Variants in CAST observed in about 807,000 individuals in gnomAD.
CAST encodes the protein calpastatin, also known as MIR583 host.
Under a neutral mutation model 119.6 loss-of-function variants are expected in CAST, and 76 were observed. That is an observed-to-expected ratio of 0.64 (90% CI 0.53 to 0.77). CAST has a LOEUF of 0.77. Ranked by LOEUF, CAST falls within the 30% of genes least tolerant of loss-of-function variation. CAST has a pLI of 0.00. For missense variants in CAST, 953 were observed against 946.5 expected, an observed-to-expected ratio of 1.01 and a Z score of -0.09; for synonymous variants, 319 against 331.6, an observed-to-expected ratio of 0.96 and a Z score of 0.41.
At chr5:96,193,936 G>A in the CAST span, among the ~76,000 whole-genome samples, 18 of 152,296 alleles carry the variant, frequency 1.2e-4, no homozygotes, top group African/African-American at 4.1e-4. Context: ...TGGCATTAAT[G>A]TATTGGATTC....
At chr5:96,209,423 G>T in the CAST span, among the ~76,000 whole-genome samples, 3 of 151,884 alleles carry the variant, frequency 2.0e-5, no homozygotes, top group Non-Finnish European at 4.4e-5. Context: ...AATGGTCTAT[G>T]AAATTAAGTG....
chr5:96,289,377 T>C, the CAST span, among the ~76,000 whole-genome samples: 2 of 152,154 alleles, frequency 1.3e-5, no homozygotes, highest in Non-Finnish European at 2.9e-5. Flanking sequence ...TGAATTGTAG[T>C]TCCCATAATG....
chr5:96,169,583 C>G, the CAST span, among the ~76,000 whole-genome samples: 2 of 151,944 alleles, frequency 1.3e-5, no homozygotes, highest in Non-Finnish European at 2.9e-5. Context: ...CTGTAGCAGG[C>G]GAGTGATAAC....
chr5:96,484,801 T>C, the CAST span, among the ~76,000 whole-genome samples: 1 of 152,098 alleles, frequency 6.6e-6, no homozygotes, highest in African/African-American at 2.4e-5. Context: ...ATTTTTCTAT[T>C]CCTGCTCTGC....
chr5:96,548,350 C>A (rs1010670115), intron 1 of CAST, among the ~76,000 whole-genome samples: 2 of 152,130 alleles, frequency 1.3e-5, no homozygotes, highest in African/African-American at 4.8e-5. Context: ...AGGTTTTTGA[C>A]AAACATAGCT....
the CAST span, chr5:95,961,518 G>A: frequency 6.9e-7 from 1 of 1,445,284 alleles, no homozygotes; most frequent in Non-Finnish European, 9.1e-7. Context: ...GGCGCGGCCA[G>A]GCCGTGAGGG....
the CAST span, among the ~76,000 whole-genome samples, chr5:96,037,468 C>T: frequency 6.6e-6 from 1 of 152,092 alleles, no homozygotes; most frequent in Non-Finnish European, 1.5e-5. Context: ...CAGAATGTCA[C>T]CTGAAGGCCT....
chr5:96,424,961 CA>C, the CAST span, among the ~76,000 whole-genome samples: 33 of 94,720 alleles, frequency 3.5e-4, no homozygotes, highest in East Asian at 8.3e-4. Flanking sequence ...AAAACTCTGT[CA>C]AAAAAAAAAA....
the CAST span, among the ~76,000 whole-genome samples, chr5:96,074,152 T>A: frequency 6.6e-6 from 1 of 152,084 alleles, no homozygotes; most frequent in East Asian, 1.9e-4. Context: ...GCTACCTCGC[T>A]TCCCTGAACT....
chr5:96,396,868 A>C, the CAST span, among the ~76,000 whole-genome samples: 1 of 152,258 alleles, frequency 6.6e-6, no homozygotes, highest in Non-Finnish European at 1.5e-5. Flanking sequence ...ACTGTTTAAA[A>C]AAGTCATATT....
chr5:96,245,120 A>T, the CAST span, among the ~76,000 whole-genome samples: 1 of 152,340 alleles, frequency 6.6e-6, no homozygotes, highest in East Asian at 1.9e-4. Flanking sequence ...ACATACATTC[A>T]TACTATGACA....
the CAST span, among the ~76,000 whole-genome samples, chr5:96,417,129 T>G: frequency 6.6e-6 from 1 of 152,170 alleles, no homozygotes; most frequent in African/African-American, 2.4e-5. Flanking sequence ...ACATTTCAAT[T>G]CTACTATACT....
intron 1 of CAST, among the ~76,000 whole-genome samples, chr5:96,566,751 CAT>C (rs1284075731): frequency 2.0e-5 from 3 of 152,172 alleles, no homozygotes; most frequent in Non-Finnish European, 4.4e-5. Flanking sequence ...TGACAAGAAA[CAT>C]ATACAGAAAC....
the CAST span, among the ~76,000 whole-genome samples, chr5:96,019,514 C>T: frequency 1.3e-5 from 2 of 152,114 alleles, no homozygotes; most frequent in Admixed American, 6.6e-5. Flanking sequence ...CTAGATCACT[C>T]GGATGGTCTC....
chr5:96,439,214 G>A, the CAST span, among the ~76,000 whole-genome samples: 1 of 152,128 alleles, frequency 6.6e-6, no homozygotes, highest in Non-Finnish European at 1.5e-5. Context: ...GGTAAAGTTG[G>A]TTGATTAAAT....
At chr5:96,455,165 G>A in the CAST span, among the ~76,000 whole-genome samples, 44 of 152,318 alleles carry the variant, frequency 2.9e-4, no homozygotes, top group African/African-American at 1.0e-3. Flanking sequence ...AACCCAAAGG[G>A]AGTAGGCAGG....
intron 1 of CAST, among the ~76,000 whole-genome samples, chr5:96,647,717 T>C (rs1399553192): frequency 2.0e-5 from 3 of 151,572 alleles, no homozygotes; most frequent in Admixed American, 2.0e-4. Flanking sequence ...CGTGTGAGAG[T>C]GGAATTACAC....
At chr5:96,474,747 A>G in the CAST span, among the ~76,000 whole-genome samples, 3 of 152,112 alleles carry the variant, frequency 2.0e-5, no homozygotes, top group South Asian at 2.1e-4. Context: ...TTCTGGCTGC[A>G]TGGTAAAAAA....
chr5:96,075,862 TAA>T, the CAST span, among the ~76,000 whole-genome samples: 1 of 152,194 alleles, frequency 6.6e-6, no homozygotes, highest in African/African-American at 2.4e-5. Flanking sequence ...AAAATTTAAA[TAA>T]AATAATTTTT....
Sources: gnomAD v4.1 joint callset for allele counts (sites outside exome capture counted in the v4.1 genomes callset) on GRCh38, gnomAD v4.1.1 for gene constraint, MANE v1.5 for transcripts, NCBI Gene and HGNC (gene_info 2026-07-23, HGNC 2026-07-21) for gene names.